LRRC58: variants seen among roughly 807,000 people sequenced by gnomAD.
LRRC58 encodes the protein leucine-rich repeat-containing protein 58.
Under a neutral mutation model 30.6 loss-of-function variants are expected in LRRC58, and 18 were observed. That is an observed-to-expected ratio of 0.59 (90% CI 0.41 to 0.87). The LOEUF is 0.87. LRRC58 is among the 40% of genes least tolerant of loss of function. LRRC58 has a pLI of 0.00. For missense variants in LRRC58, 420 were observed against 468.4 expected (o/e 0.90, Z 0.95); for synonymous variants, 221 against 206.0 (o/e 1.07, Z -0.62).
intron 1 of LRRC58, among the ~76,000 whole-genome samples, chr3:120,344,390 T>C (rs1275379514): frequency 6.6e-6 from 1 of 152,232 alleles, no homozygotes; most frequent in Non-Finnish European, 1.5e-5. Flanking sequence ...AGGGACGATG[T>C]TGAGAGCCAG....
intron 1 of LRRC58, among the ~76,000 whole-genome samples, chr3:120,343,718 T>C (rs2107626783): frequency 6.6e-6 from 1 of 152,278 alleles, no homozygotes; most frequent in Non-Finnish European, 1.5e-5. Context: ...CAAATAAAAC[T>C]GACACCGAAC....
rs917354549 is a variant in LRRC58, at chr3:120,325,779, T to C, written c.*5421A>G. The C allele has an allele frequency of 2.0e-5, 3 of 152,230 alleles. No homozygotes were observed. The highest frequency in any genetic ancestry group is 7.2e-5 in the African/African-American group (3 of 41,462). 9.4% of individuals were successfully genotyped at this position (152,230 alleles called of 1,614,324 possible). ...TATAAATATGAAGTTGGTTAGAAACTGCTGTCATTCTTTGGTGGCACCAGA... is the reference window on the plus strand; with the variant it reads ...TATAAATATGAAGTTGGTTAGAAACCGCTGTCATTCTTTGGTGGCACCAGA... On this transcript the variant is annotated 3_prime_UTR_variant, in exon 4 of 4. Transcript: ENST00000295628.
rs1461266058 is a variant in LRRC58, at chr3:120,335,008, T to A, written c.761A>T (p.Asp254Val). Residue 254 changes from aspartate to valine, a missense_variant, in exon 3 of 4, where the codon GAT becomes GTT. This residue lies in a region of LRRC58 where 154 missense variants were observed against 216.8 expected (regional missense o/e 0.71). Coordinates refer to ENST00000295628, the MANE Select transcript of LRRC58 (RefSeq NM_001099678.2). ...GAGAGTTGGAGGATCATAGGTTAAATCTCTAACAAAACGAACAACCAATGG... is the reference window on the plus strand; with the variant it reads ...GAGAGTTGGAGGATCATAGGTTAAAACTCTAACAAAACGAACAACCAATGG... ...GNPLVVRFVR[D>V]LTYDPPTLLE... 1.2e-6 allele frequency: 2 copies of A among 1,613,890 alleles called. No homozygotes were observed. The highest frequency in any genetic ancestry group is 1.1e-5 in the South Asian group (1 of 91,052).
At position 120,327,864 on chromosome 3, in the gene LRRC58, G is replaced by C. The variant is rs1425345962; in HGVS notation, c.*3336C>G. ...AAGTTCAAGTGATTCTCTTGTCTTAGCCTCCGGAGTTAGCTGGGACTATGG... is the reference window on the plus strand; with the variant it reads ...AAGTTCAAGTGATTCTCTTGTCTTACCCTCCGGAGTTAGCTGGGACTATGG... On this transcript the variant is annotated 3_prime_UTR_variant, in exon 4 of 4. Transcript: ENST00000295628. 1 of 152,046 alleles carries C rather than the reference G, an allele frequency of 6.6e-6. No individual in the cohort carries two copies. The highest frequency in any genetic ancestry group is 1.5e-5 in the Non-Finnish European group (1 of 68,020). The allele number at this position is 152,046 out of a possible 1,614,324, so 9.4% of individuals were successfully genotyped here. A position where few individuals can be genotyped will look rare whatever the true frequency, so the allele number is the denominator to read the frequency against.
Position 120,325,684 on chromosome 3 carries a change from C to T in LRRC58, c.*5516G>A, listed in dbSNP as rs1935664414. On this transcript the variant is annotated 3_prime_UTR_variant, in exon 4 of 4. Transcript: ENST00000295628. The stretch of plus-strand genomic sequence containing the variant: ...TACAAAAGTATTCAAACATGTCTCA[C>T]TTTCAACCTATATTACAAAGAAAAC... The T allele has an allele frequency of 6.6e-6, 1 of 152,174 alleles. No individual in the cohort carries two copies. The highest frequency in any genetic ancestry group is 1.5e-5 in the Non-Finnish European group (1 of 68,036). The allele number at this position is 152,174 out of a possible 1,614,324, so 9.4% of individuals were successfully genotyped here. A position where few individuals can be genotyped will look rare whatever the true frequency, so the allele number is the denominator to read the frequency against.
At chr3:120,346,901 G>C (rs937173241) in intron 1 of LRRC58, among the ~76,000 whole-genome samples, 2 of 152,172 alleles carry the variant, frequency 1.3e-5, no homozygotes, top group Non-Finnish European at 2.9e-5. Flanking sequence ...TGTGCACTTA[G>C]AATAAAATCC....
Position 120,330,335 on chromosome 3 carries a change from T to G in LRRC58, c.*865A>C, listed in dbSNP as rs1490309168. ...GTAAAAGTAATGTGCTTATAAGGGA[T>G]GAGTGCACATTTAAACAAAAAAATG... On this transcript the variant is annotated 3_prime_UTR_variant, in exon 4 of 4. Coordinates refer to ENST00000295628, the MANE Select transcript of LRRC58 (RefSeq NM_001099678.2). The G allele has an allele frequency of 6.6e-6, 1 of 152,114 alleles. No homozygotes were observed. Among genetic ancestry groups the G allele is most frequent in the Non-Finnish European group, 1.5e-5 (1 of 67,958 alleles). 9.4% of individuals were successfully genotyped at this position (152,114 alleles called of 1,614,324 possible). A position where few individuals can be genotyped will look rare whatever the true frequency, so the allele number is the denominator to read the frequency against.
At chr3:120,344,649 G>C (rs2107627266) in intron 1 of LRRC58, among the ~76,000 whole-genome samples, 1 of 152,272 alleles carries the variant, frequency 6.6e-6, no homozygotes, top group East Asian at 1.9e-4. Context: ...CATTACTTAA[G>C]AAGAAAAGAT....
Position 120,328,387 on chromosome 3 carries a change from A to C in LRRC58, c.*2813T>G, listed in dbSNP as rs1351037660. The C allele has an allele frequency of 1.3e-5, 2 of 152,252 alleles. No homozygotes were observed. The highest frequency in any genetic ancestry group is 2.9e-5 in the Non-Finnish European group (2 of 68,030). 9.4% of individuals were successfully genotyped at this position (152,252 alleles called of 1,614,324 possible). On this transcript the variant is annotated 3_prime_UTR_variant, in exon 4 of 4. Coordinates refer to ENST00000295628, the MANE Select transcript of LRRC58 (RefSeq NM_001099678.2). ...TGCACAATGTACTAATTCCAATTTC[A>C]AATACTAGCACTGAAGAATGCCATT...
chr3:120,331,982 T>C (rs759017034), intron 3 of LRRC58, among the ~76,000 whole-genome samples: 2 of 152,214 alleles, frequency 1.3e-5, no homozygotes, highest in Non-Finnish European at 2.9e-5. Context: ...TTGATTCTCA[T>C]ACAATTACAC....
intron 1 of LRRC58, among the ~76,000 whole-genome samples, chr3:120,345,886 C>T (rs9822672): frequency 0.31 from 47,092 of 152,172 alleles, 8,891 homozygotes; most frequent in African/African-American, 0.52. Context: ...GCCCAGAAAA[C>T]TGAGTCAGAA....
chr3:120,333,387 G>C (rs576975640), intron 3 of LRRC58, among the ~76,000 whole-genome samples: 7 of 152,352 alleles, frequency 4.6e-5, no homozygotes, highest in African/African-American at 1.7e-4. Flanking sequence ...GTTTTCCTCT[G>C]TCACTGTGAA....
chr3:120,343,725 G>A (rs770377017), intron 1 of LRRC58, among the ~76,000 whole-genome samples: 12 of 152,082 alleles, frequency 7.9e-5, no homozygotes, highest in African/African-American at 2.2e-4. Context: ...AACTGACACC[G>A]AACATCATAA....
rs1935664648 is a variant in LRRC58, at chr3:120,325,710, C to G, written c.*5490G>C. The G allele has an allele frequency of 2.6e-5, 4 of 152,208 alleles. No homozygotes were observed. The South Asian group carries it at 8.3e-4, about 32-fold the overall frequency. The allele number at this position is 152,208 out of a possible 1,614,324, so 9.4% of individuals were successfully genotyped here. A position where few individuals can be genotyped will look rare whatever the true frequency, so the allele number is the denominator to read the frequency against. The stretch of plus-strand genomic sequence containing the variant: ...TTTCAACCTATATTACAAAGAAAAC[C>G]AGTGGCAAAATATGCTAAGCCTTAC... On this transcript the variant is annotated 3_prime_UTR_variant, in exon 4 of 4. Transcript: ENST00000295628.
chr3:120,339,213 T>C (rs927046412), intron 1 of LRRC58, among the ~76,000 whole-genome samples: 8 of 152,208 alleles, frequency 5.3e-5, no homozygotes, highest in African/African-American at 1.9e-4. Flanking sequence ...GTATATGCTA[T>C]TTCTATTTTG....
chr3:120,348,498 G>T (rs1034656015), intron 1 of LRRC58, among the ~76,000 whole-genome samples: 10 of 152,258 alleles, frequency 6.6e-5, no homozygotes, highest in African/African-American at 2.4e-4. Context: ...ATTCAATAAG[G>T]AAGACAGAAA....
rs374147203 is a variant in LRRC58, at chr3:120,324,852, A to G, written c.*6348T>C. 3.0e-4 allele frequency: 46 copies of G among 152,314 alleles called. No individual in the cohort carries two copies. The highest frequency in any genetic ancestry group is 1.1e-3 in the African/African-American group (44 of 41,570). 9.4% of individuals were successfully genotyped at this position (152,314 alleles called of 1,614,324 possible). ...TGAATCATGTTGCTGAATTACACTT[A>G]TTTCTACCATTAAGTTTTACTTATT... On this transcript the variant is annotated 3_prime_UTR_variant, in exon 4 of 4. Transcript: ENST00000295628.
rs1361673550 is a variant in LRRC58, at chr3:120,330,561, G to A, written c.*639C>T. The stretch of plus-strand genomic sequence containing the variant: ...ACATAAGGTTAATAGCAATCATATA[G>A]AACAAAGGATAATAATGAAAAAGTT... On this transcript the variant is annotated 3_prime_UTR_variant, in exon 4 of 4. Transcript: ENST00000295628. 3 of 152,162 alleles carry A rather than the reference G, an allele frequency of 2.0e-5. No homozygotes were observed. The highest frequency in any genetic ancestry group is 4.4e-5 in the Non-Finnish European group (3 of 68,080). The allele number at this position is 152,162 out of a possible 1,614,324, so 9.4% of individuals were successfully genotyped here.
At chr3:120,344,061 AC>A (rs1935937653) in intron 1 of LRRC58, among the ~76,000 whole-genome samples, 1 of 151,830 alleles carries the variant, frequency 6.6e-6, no homozygotes, top group African/African-American at 2.4e-5. Context: ...AAACAAACAA[AC>A]AAAAACAAAA....
Sources: gnomAD v4.1 joint callset for allele counts (sites outside exome capture counted in the v4.1 genomes callset) on GRCh38, gnomAD v4.1.1 for gene constraint, gnomAD v4.1.1 regional missense constraint, MANE v1.5 for transcripts, NCBI Gene and HGNC (gene_info 2026-07-23, HGNC 2026-07-21) for gene names.